Variants in CHIC2 observed in about 807,000 individuals in gnomAD.
CHIC2 encodes the protein cysteine-rich hydrophobic domain-containing protein 2.
CHIC2 carries 14 observed loss-of-function variants against 25.9 expected under a neutral mutation model. That is an observed-to-expected ratio of 0.54 (90% CI 0.36 to 0.85). The LOEUF (loss-of-function observed/expected upper bound fraction) is 0.85. Among genes scored for constraint, CHIC2 ranks in the 40% least tolerant of loss-of-function variants. CHIC2 has a pLI of 0.01. For synonymous variants in CHIC2, 70 were observed against 72.0 expected, an observed-to-expected ratio of 0.97 and a Z score of 0.14; for missense variants, 146 against 202.0, an observed-to-expected ratio of 0.72 and a Z score of 1.68.
chr4:54,088,763 A>G, the CHIC2 span, among the ~76,000 whole-genome samples: 1 of 152,240 alleles, frequency 6.6e-6, no homozygotes, highest in African/African-American at 2.4e-5. Context: ...ATCCCTATGC[A>G]GTGGTGATGG....
intron 1 of CHIC2, among the ~76,000 whole-genome samples, chr4:54,055,061 A>G (rs1351442288): frequency 1.3e-5 from 2 of 152,146 alleles, no homozygotes; most frequent in Non-Finnish European, 2.9e-5. Flanking sequence ...AAGGATCACT[A>G]TAGCAGATGT....
In CHIC2 at chr4:54,025,772, G is replaced by A. The variant is rs140948164; in HGVS notation, c.331-11653C>T. Reference sequence around the variant, plus strand: ...AGCTACTTGGGAAGCTGAGGTGGGAGGATCACTCGAGCCTGGGAGGTCAAG... The same window carrying A: ...AGCTACTTGGGAAGCTGAGGTGGGAAGATCACTCGAGCCTGGGAGGTCAAG... On this transcript the variant is annotated intron_variant, in intron 3 of 5. Coordinates refer to ENST00000263921, the MANE Select transcript of CHIC2 (RefSeq NM_012110.4). 9.9e-4 allele frequency among the ~76,000 whole-genome samples: 150 copies of A among 151,362 alleles called. 1 individual carries two copies. Among genetic ancestry groups the A allele is most frequent in the Admixed American group, 5.4e-3 (82 of 15,158 alleles).
chr4:54,088,762 C>T, the CHIC2 span, among the ~76,000 whole-genome samples: 1 of 152,192 alleles, frequency 6.6e-6, no homozygotes, highest in Middle Eastern at 3.2e-3. Flanking sequence ...CATCCCTATG[C>T]AGTGGTGATG....
chr4:54,053,942 C>T (rs183368548), intron 1 of CHIC2, among the ~76,000 whole-genome samples: 18 of 152,084 alleles, frequency 1.2e-4, no homozygotes, highest in Non-Finnish European at 2.4e-4. Flanking sequence ...AGGTGCTCGC[C>T]ACCATGCTGG....
intron 3 of CHIC2, among the ~76,000 whole-genome samples, chr4:54,046,121 C>A (rs1393394039): frequency 1.3e-5 from 2 of 152,154 alleles, no homozygotes; most frequent in Admixed American, 6.5e-5. Flanking sequence ...TCAAGGAGAA[C>A]TACAAACCAC....
At chr4:54,013,589 C>T (rs1344274430) in intron 5 of CHIC2, among the ~76,000 whole-genome samples, 4 of 152,098 alleles carry the variant, frequency 2.6e-5, no homozygotes, top group Admixed American at 2.6e-4. Flanking sequence ...CATGTTCAGG[C>T]TATTTTATCT....
chr4:54,053,556 CAAAAAAAAAAA>C (rs59889546), intron 1 of CHIC2, among the ~76,000 whole-genome samples: 1 of 73,978 alleles, frequency 1.4e-5, no homozygotes, highest in Non-Finnish European at 2.7e-5. Flanking sequence ...GACTCAGTCT[CAAAAAAAAAAA>C]AAAAAAAAAA....
intron 5 of CHIC2, 84 bp downstream of exon 5, chr4:54,013,753 T>C: frequency 7.2e-7 from 1 of 1,397,376 alleles, no homozygotes; most frequent in Non-Finnish European, 1.0e-6. Context: ...CCTTTGCTGA[T>C]TAATAATCAT....
At chr4:54,023,490 C>T (rs534211202) in intron 3 of CHIC2, among the ~76,000 whole-genome samples, 1 of 152,270 alleles carries the variant, frequency 6.6e-6, no homozygotes, top group South Asian at 2.1e-4. Flanking sequence ...GCCTGGACTT[C>T]AATCTGGCCT....
chr4:54,028,079 T>C (rs1716116884), intron 3 of CHIC2, among the ~76,000 whole-genome samples: 1 of 152,288 alleles, frequency 6.6e-6, no homozygotes, highest in African/African-American at 2.4e-5. Flanking sequence ...ACAAACTTAT[T>C]TAAATATTAA....
At chr4:54,030,555 TAC>T (rs201490639) in intron 3 of CHIC2, among the ~76,000 whole-genome samples, 31 of 92,176 alleles carry the variant, frequency 3.4e-4, no homozygotes, top group Admixed American at 1.2e-3. Flanking sequence ...TATATATGTA[TAC>T]ACACACACAC....
chr4:54,071,444 C>T, the CHIC2 span, among the ~76,000 whole-genome samples: 1 of 152,216 alleles, frequency 6.6e-6, no homozygotes, highest in Admixed American at 6.5e-5. Flanking sequence ...GTACCGTTTT[C>T]ATCCCTGTTT....
chr4:54,079,493 A>G, the CHIC2 span, among the ~76,000 whole-genome samples: 1 of 152,172 alleles, frequency 6.6e-6, no homozygotes, highest in Non-Finnish European at 1.5e-5. Flanking sequence ...CACAGAATAG[A>G]AGAAAATATT....
At chr4:54,066,084 G>C (rs1335878898), upstream of CHIC2, among the ~76,000 whole-genome samples, 3 of 152,332 alleles carry the variant, frequency 2.0e-5, no homozygotes, top group African/African-American at 4.8e-5. Flanking sequence ...CTCTGCCAGG[G>C]GCTCATGGAG....
the CHIC2 span, among the ~76,000 whole-genome samples, chr4:54,074,731 ATT>A: frequency 6.6e-6 from 1 of 151,908 alleles, no homozygotes; most frequent in Non-Finnish European, 1.5e-5. Flanking sequence ...TACTTTTCAA[ATT>A]TCTTTCTTTT....
intron 3 of CHIC2, among the ~76,000 whole-genome samples, chr4:54,033,848 T>A (rs541195271): frequency 6.6e-6 from 1 of 152,334 alleles, no homozygotes; most frequent in Admixed American, 6.5e-5. Flanking sequence ...GCTCTGTCTC[T>A]TCTGTTTATC....
intron 3 of CHIC2, among the ~76,000 whole-genome samples, chr4:54,038,049 A>C (rs932248686): frequency 6.6e-6 from 1 of 152,188 alleles, no homozygotes; most frequent in Non-Finnish European, 1.5e-5. Flanking sequence ...AAGTGAAAAC[A>C]GAAAAACAAC....
At position 54,049,015 on chromosome 4, in the gene CHIC2, G is replaced by A; in HGVS notation, c.270C>T (p.Cys90=). 1.2e-6 allele frequency: 2 copies of A among 1,609,222 alleles called. No individual in the cohort carries two copies. The highest frequency in any genetic ancestry group is 4.5e-5 in the East Asian group (2 of 44,814). The change falls in exon 3 of 6, where the codon TGC becomes TGT. Residue 90 remains cysteine (C), a synonymous_variant. Transcript: ENST00000263921. ...PVNVRWLLCG[C]LCCCCTLGCS... Reference sequence around the variant, plus strand: ...AACCTAATGTGCAGCAGCAACAAAGGCAGCCACAAAGTAGCCAACGTACAT... The same window carrying A: ...AACCTAATGTGCAGCAGCAACAAAGACAGCCACAAAGTAGCCAACGTACAT...
intron 3 of CHIC2, among the ~76,000 whole-genome samples, chr4:54,030,047 TAG>T (rs1481545290): frequency 1.3e-5 from 2 of 152,054 alleles, no homozygotes; most frequent in African/African-American, 4.8e-5. Context: ...ATAAGTAAAC[TAG>T]AATCTCAACT....
Sources: allele counts gnomAD v4.1 joint callset (sites outside exome capture counted in the v4.1 genomes callset), GRCh38; gene constraint gnomAD v4.1.1; transcripts MANE v1.5; gene names NCBI Gene and HGNC (gene_info 2026-07-23, HGNC 2026-07-21).